The following MSRA variants were observed in gnomAD, a reference collection of about 807,000 sequenced individuals.
The protein encoded by MSRA is methionine sulfoxide reductase A, also known as mitochondrial peptide methionine sulfoxide reductase.
MSRA carries 54 observed loss-of-function variants against 31.3 expected under a neutral mutation model. That is an observed-to-expected ratio of 1.73 (90% CI 1.39 to 2.17). MSRA has a LOEUF of 2.17. Ranked by LOEUF, MSRA falls within the 30% of genes most tolerant of loss-of-function variation. MSRA has a pLI of 0.00. For missense variants in MSRA, 507 were observed against 300.9 expected (o/e 1.69, Z -5.07); for synonymous variants, 169 against 116.5 (o/e 1.45, Z -2.90).
rs991972625 is a variant in MSRA, at chr8:10,212,988, A to C, written c.211+5087A>C. Among the ~76,000 whole-genome samples the C allele has an allele frequency of 2.0e-5, 3 of 152,174 alleles. No homozygotes were observed. In the South Asian group the frequency reaches 6.2e-4, roughly 31 times the overall value. ...GCATGCAGTATGTAATAATCACATCATGGAAATGGGGTGTCTGTCCCCTCA... is the reference window on the plus strand; with the variant it reads ...GCATGCAGTATGTAATAATCACATCCTGGAAATGGGGTGTCTGTCCCCTCA... On this transcript the variant is annotated intron_variant, in intron 2 of 5. Coordinates refer to ENST00000317173, the MANE Select transcript of MSRA (RefSeq NM_012331.5).
intron 2 of MSRA, among the ~76,000 whole-genome samples, chr8:10,213,312 C>T (rs1365480633): frequency 6.6e-6 from 1 of 151,804 alleles, no homozygotes; most frequent in African/African-American, 2.4e-5. Context: ...TCTTTTTGTG[C>T]TGGACTTATT....
intron 5 of MSRA, among the ~76,000 whole-genome samples, chr8:10,351,245 CTTTTTTTTT>C (rs71203317): frequency 8.8e-5 from 5 of 56,808 alleles, no homozygotes; most frequent in South Asian, 1.0e-3. Flanking sequence ...CTGAAGGAGA[CTTTTTTTTT>C]TTTTTTTTTT....
At chr8:10,082,646 G>C (rs1209910869) in intron 1 of MSRA, among the ~76,000 whole-genome samples, 3 of 152,166 alleles carry the variant, frequency 2.0e-5, no homozygotes, top group African/African-American at 7.2e-5. Flanking sequence ...TGTAACCTTG[G>C]AGGTTGGACT....
intron 2 of MSRA, among the ~76,000 whole-genome samples, chr8:10,235,457 G>T (rs1811862637): frequency 6.6e-6 from 1 of 151,986 alleles, no homozygotes; most frequent in Non-Finnish European, 1.5e-5. Context: ...AAATAAATAA[G>T]CTAATAATTC....
At position 10,354,963 on chromosome 8, in the gene MSRA, G is replaced by A. The variant is rs111958562; in HGVS notation, c.543+34974G>A. Among the ~76,000 whole-genome samples the A allele has an allele frequency of 5.3e-5, 8 of 152,192 alleles. 1 individual carries two copies. The highest frequency in any genetic ancestry group is 1.9e-4 in the African/African-American group (8 of 41,516). ...GAATCTTTTCTTGCATCCATGGTTA[G>A]TTCCCTAGAATAAGTTCCCAGAAGA... On this transcript the variant is annotated intron_variant, in intron 5 of 5. Transcript: ENST00000317173.
rs547943722 is a variant in MSRA at position 10,299,188 on chromosome 8, A to C, written c.332-2346A>C. On this transcript the variant is annotated intron_variant, in intron 3 of 5. Transcript: ENST00000317173. ...TGTCTCAATTTACATGTATTTCTTC[A>C]CATAGGAAGAAATACATGTAAATTG... 4.3e-3 allele frequency among the ~76,000 whole-genome samples: 658 copies of C among 152,268 alleles called. 4 individuals carry two copies. The highest frequency in any genetic ancestry group is 6.7e-3 in the Non-Finnish European group (456 of 67,994).
At chr8:10,199,548 G>A (rs1404065787) in intron 1 of MSRA, among the ~76,000 whole-genome samples, 1 of 151,942 alleles carries the variant, frequency 6.6e-6, no homozygotes, top group Non-Finnish European at 1.5e-5. Flanking sequence ...TCGCTCTCTT[G>A]ACCTCGTGAT....
intron 3 of MSRA, among the ~76,000 whole-genome samples, chr8:10,290,067 GAAGTT>G (rs1355410011): frequency 6.6e-6 from 1 of 152,216 alleles, no homozygotes; most frequent in East Asian, 1.9e-4. Flanking sequence ...GTGGCTAAGA[GAAGTT>G]AAGTGGCCTC....
At chr8:10,064,553 A>G (rs1205939151) in intron 1 of MSRA, among the ~76,000 whole-genome samples, 1 of 152,232 alleles carries the variant, frequency 6.6e-6, no homozygotes, top group Non-Finnish European at 1.5e-5. Context: ...GTGACAGTAT[A>G]TTTAGATGAT....
intron 5 of MSRA, among the ~76,000 whole-genome samples, chr8:10,350,791 G>A (rs1585553877): frequency 6.6e-6 from 1 of 152,250 alleles, no homozygotes. Context: ...GAGGCCTCGC[G>A]CCTCCCCCTT....
chr8:10,098,596 T>C (rs947411220), intron 1 of MSRA, among the ~76,000 whole-genome samples: 1 of 152,208 alleles, frequency 6.6e-6, no homozygotes, highest in African/African-American at 2.4e-5. Context: ...GGCAGTACTA[T>C]AATGAGATTA....
At chr8:10,070,469 G>C (rs149416417) in intron 1 of MSRA, among the ~76,000 whole-genome samples, 6 of 152,326 alleles carry the variant, frequency 3.9e-5, no homozygotes, top group African/African-American at 1.4e-4. Flanking sequence ...GTAGTTAGAA[G>C]TAATACAAAC....
chr8:10,213,815 C>A (rs1224525154), intron 2 of MSRA, among the ~76,000 whole-genome samples: 1 of 152,126 alleles, frequency 6.6e-6, no homozygotes, highest in Non-Finnish European at 1.5e-5. Context: ...CTTCGATACA[C>A]TGATTTCCTC....
intron 1 of MSRA, among the ~76,000 whole-genome samples, chr8:10,190,059 C>T (rs1344135031): frequency 6.6e-6 from 1 of 152,050 alleles, no homozygotes; most frequent in Non-Finnish European, 1.5e-5. Flanking sequence ...ATACATCTTT[C>T]TGTGTAAGCT....
At chr8:10,424,149 G>C (rs1302216130) in intron 5 of MSRA, among the ~76,000 whole-genome samples, 1 of 152,238 alleles carries the variant, frequency 6.6e-6, no homozygotes, top group Non-Finnish European at 1.5e-5. Flanking sequence ...TGGGTCCTCA[G>C]AGATGGATAG....
intron 5 of MSRA, among the ~76,000 whole-genome samples, chr8:10,333,804 A>AC (rs1802851243): frequency 1.3e-5 from 2 of 148,246 alleles, no homozygotes; most frequent in Admixed American, 6.7e-5. Flanking sequence ...TTTCTTCTCC[A>AC]CCCCACCCCC....
intron 1 of MSRA, among the ~76,000 whole-genome samples, chr8:10,078,890 T>C (rs557248359): frequency 3.9e-4 from 59 of 152,324 alleles, no homozygotes; most frequent in Admixed American, 2.4e-3. Flanking sequence ...TTAACAAGGT[T>C]TGTCTTGAAT....
chr8:10,179,984 C>T (rs755043208), intron 1 of MSRA, among the ~76,000 whole-genome samples: 2 of 152,164 alleles, frequency 1.3e-5, no homozygotes, highest in African/African-American at 2.4e-5. Flanking sequence ...AGCCATTCTC[C>T]AGTTCTCTGC....
intron 2 of MSRA, among the ~76,000 whole-genome samples, chr8:10,243,446 TGGA>T: frequency 6.6e-6 from 1 of 152,208 alleles, no homozygotes; most frequent in Non-Finnish European, 1.5e-5. Context: ...CGGAGACCTG[TGGA>T]TACTTAATTT....
Sources: gnomAD v4.1 joint callset for allele counts (sites outside exome capture counted in the v4.1 genomes callset) on GRCh38, gnomAD v4.1.1 for gene constraint, MANE v1.5 for transcripts, NCBI Gene and HGNC (gene_info 2026-07-23, HGNC 2026-07-21) for gene names.